The following PDPK1 variants were observed in gnomAD, a reference collection of about 807,000 sequenced individuals.
PDPK1 encodes the protein 3-phosphoinositide-dependent protein kinase 1.
PDPK1 carries 7 observed loss-of-function variants against 39.8 expected under a neutral mutation model. The observed-to-expected ratio is 0.18, with a 90% CI of 0.10 to 0.33. PDPK1 has a LOEUF of 0.33. Ranked by LOEUF, PDPK1 falls within the 10% of genes least tolerant of loss-of-function variation. PDPK1 has a pLI of 1.00. For missense variants in PDPK1, 182 were observed against 384.7 expected, an observed-to-expected ratio of 0.47 and a Z score of 4.41; for synonymous variants, 118 against 159.1, an observed-to-expected ratio of 0.74 and a Z score of 1.95.
intron 11 of PDPK1, among the ~76,000 whole-genome samples, chr16:2,591,670 G>T (rs2066992712): frequency 6.6e-6 from 1 of 152,254 alleles, no homozygotes; most frequent in African/African-American, 2.4e-5. Context: ...TCTCAGCAGA[G>T]TATGGGCGCA....
intron 10 of PDPK1, among the ~76,000 whole-genome samples, chr16:2,586,056 CGTTTATGAGTGA>C (rs2066868188): frequency 6.6e-6 from 1 of 152,156 alleles, no homozygotes; most frequent in Non-Finnish European, 1.5e-5. Flanking sequence ...CCGCTTGGCA[CGTTTATGAGTGA>C]GTTTCCGTTG....
intron 10 of PDPK1, among the ~76,000 whole-genome samples, chr16:2,585,318 T>C (rs2066844896): frequency 1.3e-5 from 2 of 152,204 alleles, no homozygotes. Flanking sequence ...TTTGAAAGCC[T>C]TGGAGTGGGT....
chr16:2,545,482 T>G (rs1461017841), intron 1 of PDPK1, among the ~76,000 whole-genome samples: 1 of 151,604 alleles, frequency 6.6e-6, no homozygotes, highest in African/African-American at 2.4e-5. Context: ...TATAGGCCTG[T>G]GCCACCACAC....
chr16:2,602,861 G>T lies in PDPK1; in HGVS notation c.*5094G>T. On this transcript the variant is annotated 3_prime_UTR_variant, in exon 14 of 14. Transcript: ENST00000342085. ...TTTTTATTCTTATATAAGGTTATTT[G>T]CTGGCTATTGTTGGCCTCTAGTTCA... The T allele has an allele frequency of 4.3e-6, 1 of 233,476 alleles. No homozygotes were observed. Among genetic ancestry groups the T allele is most frequent in the Non-Finnish European group, 8.5e-6 (1 of 117,692 alleles). The allele number at this position is 233,476 out of a possible 1,614,324, so 14.5% of individuals were successfully genotyped here.
intron 11 of PDPK1, among the ~76,000 whole-genome samples, chr16:2,591,701 A>G (rs994079403): frequency 6.6e-6 from 1 of 152,118 alleles, no homozygotes; most frequent in Non-Finnish European, 1.5e-5. Flanking sequence ...GGGACCCAGC[A>G]CTCTCCTTAT....
At chr16:2,552,477 G>C (rs1220552223) in intron 1 of PDPK1, among the ~76,000 whole-genome samples, 1 of 151,492 alleles carries the variant, frequency 6.6e-6, no homozygotes, top group African/African-American at 2.4e-5. Flanking sequence ...TTGGGGGCTC[G>C]GGCTGGGGCT....
chr16:2,593,676 C>G lies in PDPK1; in HGVS notation c.1344-2117C>G, dbSNP rs538380110. ...CTGCAAGAGCTCTGACTGGCCTGGGCTCAAAGGGACCCTGTGCCTCCCACG... is the reference window on the plus strand; with the variant it reads ...CTGCAAGAGCTCTGACTGGCCTGGGGTCAAAGGGACCCTGTGCCTCCCACG... On this transcript the variant is annotated intron_variant, in intron 11 of 13. Coordinates refer to ENST00000342085, the MANE Select transcript of PDPK1 (RefSeq NM_002613.5). This position sits in a 1 kb window ranked among gnomAD's most constrained non-coding sequence, Gnocchi z 4.2. 6.5e-6 allele frequency: 1 copy of G among 154,616 alleles called. No individual in the cohort carries two copies. The highest frequency in any genetic ancestry group is 2.4e-5 in the African/African-American group (1 of 41,584). The allele number at this position is 154,616 out of a possible 1,614,324, so 9.6% of individuals were successfully genotyped here. A position where few individuals can be genotyped will look rare whatever the true frequency, so the allele number is the denominator to read the frequency against.
chr16:2,556,254 T>G (rs970330075), intron 1 of PDPK1: 2 of 148,078 alleles, frequency 1.4e-5, no homozygotes, highest in Non-Finnish European at 3.0e-5. Flanking sequence ...CCTGGTTAAT[T>G]TTTATATTTT....
In PDPK1 at chr16:2,597,952, A is replaced by C. The variant is rs375635017; in HGVS notation, c.*185A>C. ...AACACCCAACCACACAAAGAACAAA[A>C]CCAGTAACAAACACAAAGGAATTCA... is the stretch of plus-strand genomic sequence containing the variant. On this transcript the variant is annotated 3_prime_UTR_variant, in exon 14 of 14. Coordinates refer to ENST00000342085, the MANE Select transcript of PDPK1 (RefSeq NM_002613.5). This position sits in a 1 kb window ranked among gnomAD's most constrained non-coding sequence, Gnocchi z 6.3. 3.4e-6 allele frequency: 2 copies of C among 583,014 alleles called. No homozygotes were observed. The highest frequency in any genetic ancestry group is 4.3e-5 in the South Asian group (2 of 46,676). The allele number at this position is 583,014 out of a possible 1,614,324, so 36.1% of individuals were successfully genotyped here.
Position 2,600,939 on chromosome 16 carries a change from T to C in PDPK1, c.*3172T>C. On this transcript the variant is annotated 3_prime_UTR_variant, in exon 14 of 14. Transcript: ENST00000342085. Reference sequence around the variant, plus strand: ...CCTTGATATTTTAAGCATTTTCCCATGTCATGAGTTTCTCAGAAACATGTT... The same window carrying C: ...CCTTGATATTTTAAGCATTTTCCCACGTCATGAGTTTCTCAGAAACATGTT... 2 of 226,422 alleles carry C rather than the reference T, an allele frequency of 8.8e-6. No individual in the cohort carries two copies. Among genetic ancestry groups the C allele is most frequent in the Non-Finnish European group, 1.7e-5 (2 of 115,890 alleles). 14.0% of individuals were successfully genotyped at this position (226,422 alleles called of 1,614,324 possible).
chr16:2,541,186 G>A (rs2066238614), intron 1 of PDPK1, among the ~76,000 whole-genome samples: 1 of 152,188 alleles, frequency 6.6e-6, no homozygotes, highest in Non-Finnish European at 1.5e-5. Flanking sequence ...TGTGGGGCCT[G>A]AAAAGAGGCC....
At chr16:2,553,877 G>A (rs2066462535) in intron 1 of PDPK1, among the ~76,000 whole-genome samples, 1 of 129,842 alleles carries the variant, frequency 7.7e-6, no homozygotes, top group African/African-American at 3.1e-5. Flanking sequence ...GGGACTGAGT[G>A]CTGGGACGGG....
chr16:2,539,549 C>T (rs1314846896), intron 1 of PDPK1: 1 of 152,180 alleles, frequency 6.6e-6, no homozygotes, highest in African/African-American at 2.4e-5. Context: ...CTTTCTGCAG[C>T]TCACTCGTGG....
At position 2,597,560 on chromosome 16, in the gene PDPK1, C is replaced by T. The variant is rs1241164727; in HGVS notation, c.1555-91C>T. On this transcript the variant is annotated intron_variant, in intron 13 of 13. Transcript: ENST00000342085. This position sits in a 1 kb window ranked among gnomAD's most constrained non-coding sequence, Gnocchi z 6.3. The stretch of plus-strand genomic sequence containing the variant: ...GTCACACCCACGTGCTTTCAGGACT[C>T]GGAATGGCTGGTCGCAGGCAGCTCA... 17 of 935,116 alleles carry T rather than the reference C, an allele frequency of 1.8e-5. No homozygotes were observed. The highest frequency in any genetic ancestry group is 9.7e-5 in the African/African-American group (6 of 62,018). The allele number at this position is 935,116 out of a possible 1,614,324, so 57.9% of individuals were successfully genotyped here. A position where few individuals can be genotyped will look rare whatever the true frequency, so the allele number is the denominator to read the frequency against.
intron 1 of PDPK1, among the ~76,000 whole-genome samples, chr16:2,551,583 G>C (rs1463339447): frequency 6.6e-6 from 1 of 151,526 alleles, no homozygotes; most frequent in Non-Finnish European, 1.5e-5. Context: ...TTTCTGTTCG[G>C]GATCCTTTCT....
intron 1 of PDPK1, among the ~76,000 whole-genome samples, chr16:2,552,045 G>A (rs995856947): frequency 2.0e-5 from 3 of 151,252 alleles, no homozygotes; most frequent in African/African-American, 7.3e-5. Flanking sequence ...TGTTGCCCAG[G>A]CTAGTGTTGA....
At chr16:2,596,336 C>A (rs912151671) in intron 12 of PDPK1, among the ~76,000 whole-genome samples, 1 of 152,176 alleles carries the variant, frequency 6.6e-6, no homozygotes, top group Non-Finnish European at 1.5e-5. Context: ...GGACCACAGG[C>A]GCCCGCCACC....
In PDPK1 at chr16:2,577,214, C is replaced by T. The variant is rs1462814171; in HGVS notation, c.710-211C>T. The T allele has an allele frequency of 7.7e-5, 48 of 623,966 alleles. 1 individual carries two copies. Among genetic ancestry groups the T allele is most frequent in the African/African-American group, 1.2e-4 (6 of 51,288 alleles). 38.7% of individuals were successfully genotyped at this position (623,966 alleles called of 1,614,324 possible). ...GTTTGTGTGCAGCTCACTGTCCAGG[C>T]GCGTGTCGGGTGGGAGCGCCAGGGT... On this transcript the variant is annotated intron_variant, in intron 6 of 13. Coordinates refer to ENST00000342085, the MANE Select transcript of PDPK1 (RefSeq NM_002613.5).
Position 2,593,324 on chromosome 16 carries a change from G to A in PDPK1, c.1344-2469G>A. ...TCTCGTGGCACTGTGAATTTGCTGT[G>A]GGGTGCAGCTGATGGCCCATGGCGG... is the stretch of plus-strand genomic sequence containing the variant. On this transcript the variant is annotated intron_variant, in intron 11 of 13. Coordinates refer to ENST00000342085, the MANE Select transcript of PDPK1 (RefSeq NM_002613.5). This position sits in a 1 kb window ranked among gnomAD's most constrained non-coding sequence, Gnocchi z 4.2. The A allele has an allele frequency of 2.9e-6, 1 of 348,752 alleles. No homozygotes were observed. Among genetic ancestry groups the A allele is most frequent in the South Asian group, 2.2e-5 (1 of 45,646 alleles). The allele number at this position is 348,752 out of a possible 1,614,324, so 21.6% of individuals were successfully genotyped here.
Sources: gnomAD v4.1 joint callset for allele counts (sites outside exome capture counted in the v4.1 genomes callset) on GRCh38, gnomAD v4.1.1 for gene constraint, Gnocchi (gnomAD v3.1) non-coding constraint, MANE v1.5 for transcripts, NCBI Gene and HGNC (gene_info 2026-07-23, HGNC 2026-07-21) for gene names.